SFI1: variants seen among roughly 807,000 people sequenced by gnomAD.
SFI1 encodes SFI1 centrin binding protein.
Under a neutral mutation model 207.5 loss-of-function variants are expected in SFI1, and 195 were observed. That is an observed-to-expected ratio of 0.94 (90% CI 0.84 to 1.06). The LOEUF (loss-of-function observed/expected upper bound fraction) is 1.06, where lower values mean the gene tolerates loss of function less well. Ranked by LOEUF, SFI1 falls within the 50% of genes least tolerant of loss-of-function variation. SFI1 has a pLI of 0.00. For synonymous variants in SFI1, 630 were observed against 598.9 expected (o/e 1.05, Z -0.76); for missense variants, 1,634 against 1,588.0 (o/e 1.03, Z -0.49).
chr22:31,550,567 A>G (rs1174253899), intron 6 of SFI1: 1 of 460,174 alleles, frequency 2.2e-6, no homozygotes, highest in Non-Finnish European at 3.9e-6. Context: ...TGAGCCCTTA[A>G]AACTCATTTA....
At chr22:31,526,972 C>A (rs889545975) in intron 2 of SFI1, among the ~76,000 whole-genome samples, 2 of 152,136 alleles carry the variant, frequency 1.3e-5, no homozygotes, top group Non-Finnish European at 2.9e-5. Context: ...GCATGGCTCA[C>A]CGCAACCTCC....
chr22:31,505,694 G>A (rs1366125413), intron 1 of SFI1, among the ~76,000 whole-genome samples: 1 of 151,790 alleles, frequency 6.6e-6, no homozygotes, highest in African/African-American at 2.4e-5. Context: ...AGACCAGCCT[G>A]AGCAATATAG....
intron 4 of SFI1, among the ~76,000 whole-genome samples, chr22:31,540,815 G>A (rs942061072): frequency 1.3e-5 from 2 of 152,062 alleles, no homozygotes; most frequent in Admixed American, 6.6e-5. Flanking sequence ...CTGCCCTCAA[G>A]TGATCCACCC....
intron 1 of SFI1, among the ~76,000 whole-genome samples, chr22:31,499,878 C>A (rs559376619): frequency 6.6e-6 from 1 of 151,118 alleles, no homozygotes; most frequent in African/African-American, 2.4e-5. Flanking sequence ...GTCCCAGCTA[C>A]TCCAGAGGCT....
At chr22:31,574,327 T>C (rs926709756) in intron 9 of SFI1, among the ~76,000 whole-genome samples, 2 of 152,210 alleles carry the variant, frequency 1.3e-5, no homozygotes, top group Non-Finnish European at 2.9e-5. Flanking sequence ...TTAAGCTGTT[T>C]AGTATGATAA....
chr22:31,525,948 G>A (rs1434385675), intron 2 of SFI1, among the ~76,000 whole-genome samples: 3 of 152,026 alleles, frequency 2.0e-5, no homozygotes, highest in Non-Finnish European at 2.9e-5. Flanking sequence ...GGGATCTTTT[G>A]TGGTCCTATA....
chr22:31,594,187 C>T (rs1027007238), intron 15 of SFI1, among the ~76,000 whole-genome samples: 1 of 152,154 alleles, frequency 6.6e-6, no homozygotes, highest in Admixed American at 6.5e-5. Flanking sequence ...GTCATTTCCC[C>T]GAAACACTTA....
intron 15 of SFI1, among the ~76,000 whole-genome samples, chr22:31,590,986 T>TG (rs1556253157): frequency 4.3e-4 from 65 of 151,146 alleles, no homozygotes; most frequent in African/African-American, 1.5e-3. Flanking sequence ...TTTATTTTTT[T>TG]ATTGATAATT....
chr22:31,613,668 C>T lies in SFI1; in HGVS notation c.2809C>T (p.Arg937Trp), dbSNP rs777064411. 1.4e-5 allele frequency: 22 copies of T among 1,608,596 alleles called. No homozygotes were observed. The highest frequency in any genetic ancestry group is 5.0e-5 in the Admixed American group (3 of 59,778). Residue 937 changes from arginine (R) to tryptophan (W), a missense_variant, in exon 27 of 33, where the codon CGG (arginine) becomes TGG (tryptophan). Coordinates refer to ENST00000400288, the MANE Select transcript of SFI1 (RefSeq NM_001007467.3). The stretch of plus-strand genomic sequence containing the variant: ...GCTCTGGAAACAGAAAGTGCTGGGC[C>T]GGGGCGGGAAGCCTCAGCCCCTGGC... ...ATLWKQKVLG[R>W]GGKPQPLAAI...
intron 2 of SFI1, among the ~76,000 whole-genome samples, chr22:31,512,200 A>G (rs1483259199): frequency 6.6e-6 from 1 of 151,874 alleles, no homozygotes; most frequent in Non-Finnish European, 1.5e-5. Context: ...TACTAAAAAT[A>G]CAAAATTAGC....
chr22:31,504,202 A>G (rs781078239), intron 1 of SFI1, among the ~76,000 whole-genome samples: 3 of 152,182 alleles, frequency 2.0e-5, no homozygotes, highest in Non-Finnish European at 4.4e-5. Context: ...GATCATTATG[A>G]CAGAAACCCA....
At chr22:31,611,635 C>T in intron 23 of SFI1, 131 bp from the exon 24 acceptor site, 3 of 948,262 alleles carry the variant, frequency 3.2e-6, no homozygotes, top group Non-Finnish European at 4.7e-6. Context: ...GCAGGAGACC[C>T]CTGGCACCAT....
At chr22:31,510,608 A>G (rs931567583) in intron 2 of SFI1, among the ~76,000 whole-genome samples, 2 of 151,594 alleles carry the variant, frequency 1.3e-5, no homozygotes, top group African/African-American at 4.8e-5. Flanking sequence ...TAATTTTTGT[A>G]TTTTTATTAG....
chr22:31,547,363 T>G (rs969572326), intron 5 of SFI1, among the ~76,000 whole-genome samples: 1 of 152,218 alleles, frequency 6.6e-6, no homozygotes, highest in African/African-American at 2.4e-5. Context: ...CAAGCTGGAG[T>G]GCAGTGGCAC....
intron 15 of SFI1, among the ~76,000 whole-genome samples, chr22:31,601,706 G>C (rs1239849524): frequency 2.0e-5 from 3 of 152,126 alleles, no homozygotes; most frequent in African/African-American, 7.2e-5. Context: ...GAAAATGTTG[G>C]CCTTTTTAAC....
intron 15 of SFI1, among the ~76,000 whole-genome samples, chr22:31,597,478 GCT>G (rs1473788931): frequency 2.0e-5 from 3 of 152,166 alleles, no homozygotes; most frequent in African/African-American, 7.2e-5. Flanking sequence ...TCAGACCTAT[GCT>G]CTGTCGCCTG....
chr22:31,510,644 G>A (rs1159152738), intron 2 of SFI1, among the ~76,000 whole-genome samples: 1 of 152,034 alleles, frequency 6.6e-6, no homozygotes, highest in Admixed American at 6.6e-5. Context: ...ATGTTGGCCT[G>A]GCTTGTCTTG....
chr22:31,514,154 AAAAAAAAAAT>A (rs1303084060), intron 2 of SFI1, among the ~76,000 whole-genome samples: 1 of 150,108 alleles, frequency 6.7e-6, no homozygotes, highest in East Asian at 2.0e-4. Flanking sequence ...AAAAAAAAAA[AAAAAAAAAAT>A]GTAGTACTGA....
intron 2 of SFI1, among the ~76,000 whole-genome samples, chr22:31,509,326 A>C (rs2055145235): frequency 6.6e-6 from 1 of 152,196 alleles, no homozygotes; most frequent in South Asian, 2.1e-4. Flanking sequence ...GGCTCAGTCC[A>C]AGTCCCAATA....
Sources: allele counts gnomAD v4.1 joint callset (sites outside exome capture counted in the v4.1 genomes callset), GRCh38; gene constraint gnomAD v4.1.1; transcripts MANE v1.5; gene names NCBI Gene and HGNC (gene_info 2026-07-23, HGNC 2026-07-21).